CA6: variants seen among roughly 807,000 people sequenced by gnomAD.
CA6 encodes carbonic anhydrase 6, also known as carbonate dehydratase VI.
A neutral mutation model predicts 35.9 loss-of-function variants in CA6; 28 were observed. The ratio of observed to expected loss-of-function variants is 0.78; its 90% CI spans 0.58 to 1.07. The LOEUF is 1.07. Ranked by LOEUF, CA6 falls within the 50% of genes least tolerant of loss-of-function variation. CA6 has a pLI of 0.00. For missense variants in CA6, 377 were observed against 382.0 expected, an observed-to-expected ratio of 0.99 and a Z score of 0.11; for synonymous variants, 148 against 152.6, an observed-to-expected ratio of 0.97 and a Z score of 0.22.
intron 7 of CA6, among the ~76,000 whole-genome samples, chr1:8,973,765 TTTCTTTCTTTCTTTCTTTC>T (rs756271245): frequency 0.17 from 4,993 of 30,008 alleles, 235 homozygotes; most frequent in East Asian, 0.47. Context: ...TCTTTCTTTC[TTTCTTTCTTTCTTTCTTTC>T]TTTTCCCTCC....
At chr1:8,954,402 T>C (rs1242697408) in intron 2 of CA6, among the ~76,000 whole-genome samples, 3 of 152,172 alleles carry the variant, frequency 2.0e-5, no homozygotes, top group Admixed American at 6.5e-5. Flanking sequence ...TGACCTCAAG[T>C]GATCTGCCTG....
chr1:8,959,730 A>G (rs146766304), intron 4 of CA6, among the ~76,000 whole-genome samples: 2,268 of 151,878 alleles, frequency 0.015, 58 homozygotes, highest in African/African-American at 0.053. Context: ...TCAGGAGTTC[A>G]AGACCAGGCT....
intron 1 of CA6, 91 bp from the exon 2 acceptor site, chr1:8,949,172 C>A: frequency 1.0e-6 from 1 of 1,003,704 alleles, no homozygotes; most frequent in Non-Finnish European, 1.4e-6. Flanking sequence ...CCCCGCCCAG[C>A]AGGCCCTGGC....
Position 8,974,607 on chromosome 1 carries a change from C to A in CA6, c.845-15C>A. ...ACAAGGTTTAACCATTTCCGACTAA[C>A]TCTTCTTTTTACAGAATACACTCTA... On this transcript the variant is annotated splice_polypyrimidine_tract_variant and intron_variant, in intron 7 of 7. Transcript: ENST00000377443. 2 of 1,582,682 alleles carry A rather than the reference C, an allele frequency of 1.3e-6. No homozygotes were observed. Among genetic ancestry groups the A allele is most frequent in the Non-Finnish European group, 1.7e-6 (2 of 1,153,826 alleles).
chr1:8,970,348 G>A (rs1640076350), intron 6 of CA6, among the ~76,000 whole-genome samples: 1 of 151,992 alleles, frequency 6.6e-6, no homozygotes, highest in Non-Finnish European at 1.5e-5. Context: ...TGAAAAGAGA[G>A]CTTGTGTGCA....
chr1:8,951,902 C>T (rs1639547350), intron 2 of CA6: 1 of 208,214 alleles, frequency 4.8e-6, no homozygotes, highest in Non-Finnish European at 9.3e-6. Context: ...TCACTGAAAC[C>T]TCCACTTCCC....
intron 7 of CA6, 61 bp from the exon 8 acceptor site, chr1:8,974,559 TTC>T: frequency 7.0e-7 from 1 of 1,431,144 alleles, no homozygotes; most frequent in Non-Finnish European, 9.7e-7. Context: ...GCCGTCCCCC[TTC>T]TCTGTTTTTG....
At chr1:8,962,921 G>C (rs1639878948) in intron 5 of CA6, among the ~76,000 whole-genome samples, 1 of 152,204 alleles carries the variant, frequency 6.6e-6, no homozygotes, top group African/African-American at 2.4e-5. Context: ...GTTGCACTAA[G>C]TAGGCATATC....
intron 2 of CA6, chr1:8,951,539 A>G: frequency 5.2e-6 from 4 of 765,162 alleles, no homozygotes; most frequent in South Asian, 4.0e-5. Flanking sequence ...GTGGGAAGCA[A>G]TCATTGATGG....
chr1:8,949,582 C>T lies in CA6; in HGVS notation c.259+140C>T, dbSNP rs115497942. Reference sequence around the variant, plus strand: ...AGCTGGAGGCCTCGAACATGAGGGTCGAACATGAGGGCTGACTGGCCCCGA... The same window carrying T: ...AGCTGGAGGCCTCGAACATGAGGGTTGAACATGAGGGCTGACTGGCCCCGA... On this transcript the variant is annotated intron_variant, in intron 2 of 7. Coordinates refer to ENST00000377443, the MANE Select transcript of CA6 (RefSeq NM_001215.4). The T allele has an allele frequency of 5.9e-3, 4,128 of 697,106 alleles. 149 individuals carry two copies. In the African/African-American group the frequency reaches 0.065, roughly 11 times the overall value. 43.2% of individuals were successfully genotyped at this position (697,106 alleles called of 1,614,324 possible).
intron 4 of CA6, among the ~76,000 whole-genome samples, chr1:8,961,831 T>A (rs1639849649): frequency 6.6e-6 from 1 of 152,200 alleles, no homozygotes; most frequent in Admixed American, 6.5e-5. Flanking sequence ...GGAATTGTAG[T>A]CGTTCTGCCT....
intron 7 of CA6, chr1:8,974,291 G>C: frequency 8.4e-7 from 1 of 1,188,568 alleles, no homozygotes; most frequent in Non-Finnish European, 1.1e-6. Flanking sequence ...ACAAGACGAT[G>C]GCCAAATACG....
chr1:8,967,166 C>T (rs1322858105), intron 5 of CA6, among the ~76,000 whole-genome samples: 1 of 152,018 alleles, frequency 6.6e-6, no homozygotes, highest in Non-Finnish European at 1.5e-5. Flanking sequence ...TCTCAATGAG[C>T]CCAAACCAAG....
At position 8,958,809 on chromosome 1, in the gene CA6, C is replaced by A. The variant is rs372985138; in HGVS notation, c.409-101C>A. ...TTGCTTGTGTGGAACAGTCTGAGGC[C>A]TCAGACGGAGCACCTTTCTTTCTCT... is the stretch of plus-strand genomic sequence containing the variant. On this transcript the variant is annotated intron_variant, in intron 3 of 7. Coordinates refer to ENST00000377443, the MANE Select transcript of CA6 (RefSeq NM_001215.4). The A allele has an allele frequency of 2.9e-5, 20 of 694,778 alleles. No individual in the cohort carries two copies. The African/African-American group carries it at 3.6e-4, about 13-fold the overall frequency. 43.0% of individuals were successfully genotyped at this position (694,778 alleles called of 1,614,324 possible).
chr1:8,950,760 C>T (rs796417781), intron 2 of CA6, among the ~76,000 whole-genome samples: 13 of 151,228 alleles, frequency 8.6e-5, no homozygotes, highest in South Asian at 2.1e-4. Context: ...CCCAGCTACT[C>T]GGGAGGCTGA....
intron 2 of CA6, among the ~76,000 whole-genome samples, chr1:8,950,158 T>A (rs577331799): frequency 6.6e-6 from 1 of 151,860 alleles, no homozygotes. Context: ...TTTTTTTGTA[T>A]TTTTAGTAGA....
At chr1:8,971,051 C>A (rs999378277) in intron 7 of CA6, 70 bp downstream of exon 7, 32 of 1,014,038 alleles carry the variant, frequency 3.2e-5, no homozygotes, top group Non-Finnish European at 4.9e-5. Flanking sequence ...CTAGGTGGAC[C>A]CATCTCTTCT....
intron 4 of CA6, among the ~76,000 whole-genome samples, chr1:8,961,517 A>G (rs980573120): frequency 6.6e-6 from 1 of 152,220 alleles, no homozygotes; most frequent in Non-Finnish European, 1.5e-5. Flanking sequence ...TGAGTTGTAT[A>G]TGGTAATCAT....
At chr1:8,968,806 A>C (rs1426670795) in intron 6 of CA6, among the ~76,000 whole-genome samples, 1 of 151,830 alleles carries the variant, frequency 6.6e-6, no homozygotes, top group African/African-American at 2.4e-5. Flanking sequence ...ACCTGAGGTC[A>C]GGAGTTTGAG....
Sources: allele counts gnomAD v4.1 joint callset (sites outside exome capture counted in the v4.1 genomes callset), GRCh38; gene constraint gnomAD v4.1.1; transcripts MANE v1.5; gene names NCBI Gene and HGNC (gene_info 2026-07-23, HGNC 2026-07-21).